Variants in KCNJ16 observed in about 807,000 individuals in gnomAD.
KCNJ16 encodes the protein potassium inwardly rectifying channel subfamily J member 16.
KCNJ16 carries 15 observed loss-of-function variants against 18.5 expected under a neutral mutation model. The observed-to-expected ratio is 0.81, with a 90% CI of 0.54 to 1.25. The LOEUF (loss-of-function observed/expected upper bound fraction) is 1.25. KCNJ16 is among the 50% of genes most tolerant of loss of function. The probability of loss-of-function intolerance (pLI) is 0.00; values close to 1 mark genes in which losing one functional copy is unlikely to be tolerated. For missense variants in KCNJ16, 523 were observed against 525.7 expected (o/e 0.99, Z 0.05); for synonymous variants, 174 against 186.5 (o/e 0.93, Z 0.55).
At chr17:70,119,157 AGCACGCTGGT>A (rs921112135) in intron 2 of KCNJ16, among the ~76,000 whole-genome samples, 1 of 152,238 alleles carries the variant, frequency 6.6e-6, no homozygotes, top group Non-Finnish European at 1.5e-5. Flanking sequence ...CCACATCCAG[AGCACGCTGGT>A]GCAAGGGGTT....
chr17:70,077,824 G>A (rs945025989), intron 1 of KCNJ16, among the ~76,000 whole-genome samples: 5 of 151,488 alleles, frequency 3.3e-5, no homozygotes, highest in Admixed American at 3.3e-4. Context: ...AACTCAAATA[G>A]CTGGTTCTTG....
At chr17:70,096,919 G>T (rs7222323) in intron 1 of KCNJ16, 339,349 of 397,882 alleles carry the variant, frequency 0.85, 144,920 homozygotes, top group East Asian at 0.94. Context: ...CTTCAGAAGT[G>T]CAGAAAGGTA....
At chr17:70,115,244 T>C (rs9913034) in intron 2 of KCNJ16, among the ~76,000 whole-genome samples, 12,983 of 151,922 alleles carry the variant, frequency 0.085, 1,842 homozygotes, top group African/African-American at 0.3. Context: ...TGAAAGAAAA[T>C]AGTTGACTAC....
At chr17:70,111,769 T>C (rs2073194666) in intron 2 of KCNJ16, among the ~76,000 whole-genome samples, 1 of 151,990 alleles carries the variant, frequency 6.6e-6, no homozygotes. Flanking sequence ...GAGCTGATGG[T>C]TTTATAAGGG....
intron 1 of KCNJ16, among the ~76,000 whole-genome samples, chr17:70,079,081 G>A (rs1273026731): frequency 6.6e-6 from 1 of 152,084 alleles, no homozygotes; most frequent in East Asian, 1.9e-4. Flanking sequence ...GAGAGCAAGA[G>A]GGAGAAAAAC....
At chr17:70,085,188 C>CA (rs2071738337) in intron 1 of KCNJ16, among the ~76,000 whole-genome samples, 1 of 152,208 alleles carries the variant, frequency 6.6e-6, no homozygotes, top group African/African-American at 2.4e-5. Flanking sequence ...TATACCACTA[C>CA]ATGGAGACAC....
intron 2 of KCNJ16, among the ~76,000 whole-genome samples, chr17:70,125,168 G>T (rs185013112): frequency 6.6e-6 from 1 of 152,106 alleles, no homozygotes; most frequent in Admixed American, 6.5e-5. Context: ...TACTTGGGAG[G>T]CTGAGGTGGG....
Position 70,130,949 on chromosome 17 carries a change from C to A in KCNJ16, c.-120C>A. ...TGACTTGAGCTGGGAAATCCTTTGG[C>A]CTATTATACCATGGATGCTAAAAAT... On this transcript the variant is annotated 5_prime_UTR_variant, in exon 3 of 4. Transcript: ENST00000392671. The A allele has an allele frequency of 1.3e-6, 2 of 1,534,592 alleles. No individual in the cohort carries two copies. The highest frequency in any genetic ancestry group is 8.7e-7 in the Non-Finnish European group (1 of 1,145,742).
intron 2 of KCNJ16, among the ~76,000 whole-genome samples, chr17:70,121,132 A>C (rs1182533266): frequency 1.3e-5 from 2 of 152,118 alleles, no homozygotes; most frequent in Admixed American, 1.3e-4. Flanking sequence ...TGGTTGATAA[A>C]ACTGGAGGAT....
At chr17:70,082,621 C>A (rs886409165) in intron 1 of KCNJ16, among the ~76,000 whole-genome samples, 1 of 152,176 alleles carries the variant, frequency 6.6e-6, no homozygotes, top group East Asian at 1.9e-4. Flanking sequence ...AAAAACATGA[C>A]AATTGCTTGT....
chr17:70,102,721 G>T (rs567718005), intron 2 of KCNJ16, among the ~76,000 whole-genome samples: 1 of 152,028 alleles, frequency 6.6e-6, no homozygotes, highest in African/African-American at 2.4e-5. Flanking sequence ...ATTTGACAGC[G>T]GAACTCTCTG....
At chr17:70,116,466 G>T (rs991961888) in intron 2 of KCNJ16, among the ~76,000 whole-genome samples, 6 of 152,154 alleles carry the variant, frequency 3.9e-5, no homozygotes, top group Non-Finnish European at 8.8e-5. Context: ...TGCATTGGAG[G>T]TTGTACCAGA....
At chr17:70,093,674 C>T (rs1022736034) in intron 1 of KCNJ16, among the ~76,000 whole-genome samples, 10 of 152,078 alleles carry the variant, frequency 6.6e-5, no homozygotes, top group African/African-American at 2.4e-4. Flanking sequence ...GGTAGAGAAA[C>T]ATAGTGAAAT....
At chr17:70,110,552 A>C (rs1244553675) in intron 2 of KCNJ16, among the ~76,000 whole-genome samples, 1 of 152,138 alleles carries the variant, frequency 6.6e-6, no homozygotes. Flanking sequence ...TTCTTCAGTA[A>C]GAGTCCAGCT....
At position 70,132,892 on chromosome 17, in the gene KCNJ16, A is replaced by G. The variant is rs200225545; in HGVS notation, c.805A>G (p.Lys269Glu). ...HESPLYALDRKAVAKDNFEIL... is the reference protein window; with the variant it reads ...HESPLYALDREAVAKDNFEIL... Reference sequence around the variant, plus strand: ...GAGCCCTCTGTATGCCCTTGACCGCAAAGCAGTAGCCAAAGATAACTTTGA... The same window carrying G: ...GAGCCCTCTGTATGCCCTTGACCGCGAAGCAGTAGCCAAAGATAACTTTGA... Residue 269 changes from lysine to glutamate, a missense_variant, in exon 4 of 4, where the codon AAA becomes GAA. Physicochemically the swap from Lys to Glu is moderately conservative, Grantham distance 56. Coordinates refer to ENST00000392671, the MANE Select transcript of KCNJ16 (RefSeq NM_170741.4). 6.2e-7 allele frequency: 1 copy of G among 1,614,184 alleles called. No individual in the cohort carries two copies. The highest frequency in any genetic ancestry group is 8.5e-7 in the Non-Finnish European group (1 of 1,180,028).
At chr17:70,084,722 C>G (rs561944272) in intron 1 of KCNJ16, among the ~76,000 whole-genome samples, 1 of 152,250 alleles carries the variant, frequency 6.6e-6, no homozygotes, top group South Asian at 2.1e-4. Context: ...AATCCACCAA[C>G]CACTTGCCAG....
At chr17:70,106,568 A>G (rs941256981) in intron 2 of KCNJ16, among the ~76,000 whole-genome samples, 3 of 152,166 alleles carry the variant, frequency 2.0e-5, no homozygotes, top group Admixed American at 6.6e-5. Context: ...AAGTTAAGAA[A>G]ACACAAGCCA....
At chr17:70,091,512 C>T (rs1398722381) in intron 1 of KCNJ16, among the ~76,000 whole-genome samples, 1 of 152,098 alleles carries the variant, frequency 6.6e-6, no homozygotes, top group Non-Finnish European at 1.5e-5. Flanking sequence ...GGGATTTTCT[C>T]CTTAATAGGA....
rs376602170 is a variant in KCNJ16 at position 70,133,278 on chromosome 17, T to C, written c.1191T>C (p.Tyr397=). The change falls in exon 4 of 4, where the codon TAT becomes TAC. Residue 397 remains tyrosine, a synonymous_variant. Transcript: ENST00000392671. ...EETTTSATHE[Y]RETPYQKALL... is the part of the protein sequence containing the mutation. ...CCACCACTTCCGCCACACATGAATA[T>C]AGGGAAACACCTTATCAGAAAGCTC... The C allele has an allele frequency of 1.6e-5, 26 of 1,613,996 alleles. No homozygotes were observed. The highest frequency in any genetic ancestry group is 2.2e-5 in the Non-Finnish European group (26 of 1,179,982).
Sources: allele counts gnomAD v4.1 joint callset (sites outside exome capture counted in the v4.1 genomes callset), GRCh38; gene constraint gnomAD v4.1.1; transcripts MANE v1.5; gene names NCBI Gene and HGNC (gene_info 2026-07-23, HGNC 2026-07-21).